FAR2: variants seen among roughly 807,000 people sequenced by gnomAD.
FAR2 encodes fatty acyl-CoA reductase 2.
FAR2 carries 19 observed loss-of-function variants against 56.0 expected under a neutral mutation model. That is an observed-to-expected ratio of 0.34 (90% CI 0.24 to 0.50). The LOEUF is 0.50. Ranked by LOEUF, FAR2 falls within the 20% of genes least tolerant of loss-of-function variation. The pLI is 0.98. For synonymous variants in FAR2, 219 were observed against 218.8 expected (o/e 1.00, Z -0.01); for missense variants, 508 against 642.2 (o/e 0.79, Z 2.26).
chr12:29,164,491 A>G (rs1949809104), intron 1 of FAR2, among the ~76,000 whole-genome samples: 1 of 152,146 alleles, frequency 6.6e-6, no homozygotes, highest in South Asian at 2.1e-4. Context: ...CAGCAGGCCT[A>G]GTTTCCATCT....
At chr12:29,305,156 G>C (rs1002354063) in intron 4 of FAR2, among the ~76,000 whole-genome samples, 1 of 148,470 alleles carries the variant, frequency 6.7e-6, no homozygotes, top group Non-Finnish European at 1.5e-5. Flanking sequence ...TTATTTTTTT[G>C]AGACAGGGTC....
At chr12:29,327,677 G>A (rs2136824368) in intron 10 of FAR2, among the ~76,000 whole-genome samples, 1 of 152,280 alleles carries the variant, frequency 6.6e-6, no homozygotes, top group East Asian at 1.9e-4. Flanking sequence ...TTAATAAATG[G>A]TGCTGGGAAA....
intron 4 of FAR2, chr12:29,301,697 G>A (rs1242930204): frequency 1.3e-5 from 2 of 152,114 alleles, no homozygotes; most frequent in Non-Finnish European, 2.9e-5. Context: ...AGGGAAGGGA[G>A]GACATGAATC....
intron 1 of FAR2, among the ~76,000 whole-genome samples, chr12:29,258,862 T>A (rs1252787896): frequency 2.0e-5 from 3 of 152,222 alleles, no homozygotes; most frequent in Non-Finnish European, 2.9e-5. Context: ...TGGATGCATT[T>A]ATAGCACAGA....
At chr12:29,208,046 T>C (rs1195966392) in intron 1 of FAR2, among the ~76,000 whole-genome samples, 1 of 152,212 alleles carries the variant, frequency 6.6e-6, no homozygotes. Context: ...CTATGAAATA[T>C]GTTTTAAAAA....
intron 1 of FAR2, among the ~76,000 whole-genome samples, chr12:29,194,559 A>ACC (rs1555179610): frequency 1.4e-5 from 2 of 146,192 alleles, no homozygotes; most frequent in African/African-American, 5.1e-5. Flanking sequence ...ACACACACAC[A>ACC]CCACAGGAGG....
chr12:29,261,037 CA>C (rs979465040), intron 1 of FAR2, among the ~76,000 whole-genome samples: 2 of 152,152 alleles, frequency 1.3e-5, no homozygotes, highest in Non-Finnish European at 2.9e-5. Flanking sequence ...AGGATTGATG[CA>C]AATGTGCCCA....
intron 1 of FAR2, among the ~76,000 whole-genome samples, chr12:29,242,004 G>T (rs759605206): frequency 2.6e-5 from 4 of 152,354 alleles, no homozygotes; most frequent in Admixed American, 1.3e-4. Context: ...AGCAATGTGG[G>T]CTTCTCCTGG....
intron 1 of FAR2, among the ~76,000 whole-genome samples, chr12:29,241,324 T>C: frequency 6.6e-6 from 1 of 152,204 alleles, no homozygotes; most frequent in Admixed American, 6.5e-5. Context: ...GCTTTCTATT[T>C]TGTATCTGAT....
chr12:29,325,284 C>A (rs1447919632), intron 10 of FAR2, among the ~76,000 whole-genome samples: 1 of 152,176 alleles, frequency 6.6e-6, no homozygotes, highest in African/African-American at 2.4e-5. Flanking sequence ...GACTTAGACT[C>A]CCATACAATA....
chr12:29,276,535 C>T (rs1948706173), intron 2 of FAR2, among the ~76,000 whole-genome samples: 1 of 151,990 alleles, frequency 6.6e-6, no homozygotes, highest in African/African-American at 2.4e-5. Flanking sequence ...AGAGATTTTC[C>T]ATGGAAAAAA....
intron 1 of FAR2, among the ~76,000 whole-genome samples, chr12:29,233,446 A>G (rs1193650727): frequency 1.3e-5 from 2 of 152,174 alleles, no homozygotes; most frequent in Admixed American, 6.5e-5. Flanking sequence ...AGCACATGAC[A>G]TCCATTGCTA....
At chr12:29,275,026 A>G (rs73063614) in intron 2 of FAR2, among the ~76,000 whole-genome samples, 88,726 of 148,820 alleles carry the variant, frequency 0.6, 27,661 homozygotes, top group African/African-American at 0.79. Flanking sequence ...TCTTTGCTCC[A>G]TGAGAAAGAT....
At chr12:29,316,375 G>T (rs2136801217) in intron 8 of FAR2, among the ~76,000 whole-genome samples, 1 of 152,088 alleles carries the variant, frequency 6.6e-6, no homozygotes, top group East Asian at 1.9e-4. Flanking sequence ...AAGAAATCTT[G>T]CCTTGAGAAT....
chr12:29,295,744 A>AT (rs1168937750), intron 3 of FAR2, among the ~76,000 whole-genome samples: 1 of 126,494 alleles, frequency 7.9e-6, no homozygotes, highest in East Asian at 2.4e-4. Flanking sequence ...GCAGCTAGTG[A>AT]TTTTTTACGT....
Position 29,207,876 on chromosome 12 carries a change from A to T in FAR2, c.-39+58469A>T, listed in dbSNP as rs538720765. ...TAATGCAGGAACTTGAACACAGCAC[A>T]TTAACTGTAAGTCTTTGCTTATTCA... On this transcript the variant is annotated intron_variant, in intron 1 of 11. Coordinates refer to ENST00000536681, the MANE Select transcript of FAR2 (RefSeq NM_001271783.2). Among the ~76,000 whole-genome samples, 4 of 152,318 alleles carry T rather than the reference A, an allele frequency of 2.6e-5. 1 individual carries two copies. The highest frequency in any genetic ancestry group is 9.6e-5 in the African/African-American group (4 of 41,576).
chr12:29,318,339 AAAG>A (rs757354650), intron 9 of FAR2, among the ~76,000 whole-genome samples: 16 of 152,254 alleles, frequency 1.1e-4, no homozygotes, highest in Non-Finnish European at 2.2e-4. Flanking sequence ...AAAGACAGGA[AAAG>A]AAGAAAACCC....
At chr12:29,230,891 T>G (rs971666215) in intron 1 of FAR2, among the ~76,000 whole-genome samples, 10 of 152,182 alleles carry the variant, frequency 6.6e-5, no homozygotes, top group African/African-American at 2.4e-4. Context: ...CAGAGATGCC[T>G]TTTAGATATC....
chr12:29,202,388 A>G (rs772170152), intron 1 of FAR2, among the ~76,000 whole-genome samples: 4 of 152,352 alleles, frequency 2.6e-5, no homozygotes, highest in Non-Finnish European at 5.9e-5. Flanking sequence ...AGCTGTTTGT[A>G]TTCTCAAATG....
Sources: gnomAD v4.1 joint callset for allele counts (sites outside exome capture counted in the v4.1 genomes callset) on GRCh38, gnomAD v4.1.1 for gene constraint, MANE v1.5 for transcripts, NCBI Gene and HGNC (gene_info 2026-07-23, HGNC 2026-07-21) for gene names.